ANK2: variants seen among roughly 807,000 people sequenced by gnomAD.
ANK2 encodes ankyrin-2.
Under a neutral mutation model 360.5 loss-of-function variants are expected in ANK2, and 83 were observed. The ratio of observed to expected loss-of-function variants is 0.23; its 90% confidence interval spans 0.19 to 0.28. The LOEUF is 0.28. Ranked by LOEUF, ANK2 falls within the 10% of genes least tolerant of loss-of-function variation. ANK2 has a pLI of 1.00. For synonymous variants in ANK2, 1,740 were observed against 1,759.5 expected, an observed-to-expected ratio of 0.99 and a Z score of 0.28; for missense variants, 4,201 against 4,795.7, an observed-to-expected ratio of 0.88 and a Z score of 3.66.
chr4:112,712,634 T>C, the ANK2 span, among the ~76,000 whole-genome samples: 39 of 151,524 alleles, frequency 2.6e-4, no homozygotes, highest in South Asian at 8.3e-4. Flanking sequence ...GTCTCGATCT[T>C]CTGACCTCAT....
At chr4:113,012,354 G>T (rs2055039870) in intron 2 of ANK2, among the ~76,000 whole-genome samples, 1 of 152,102 alleles carries the variant, frequency 6.6e-6, no homozygotes, top group South Asian at 2.1e-4. Flanking sequence ...ATTAAAATCT[G>T]CCTGGGAATA....
At chr4:112,871,947 C>T (rs1427083959) in intron 1 of ANK2, among the ~76,000 whole-genome samples, 1 of 151,766 alleles carries the variant, frequency 6.6e-6, no homozygotes, top group Non-Finnish European at 1.5e-5. Flanking sequence ...ATAGACTCCA[C>T]TCGGTTGTGA....
Position 112,842,624 on chromosome 4 carries a change from C to T in ANK2, c.-40+24360C>T, listed in dbSNP as rs189094418. 1.2e-4 allele frequency among the ~76,000 whole-genome samples: 19 copies of T among 152,258 alleles called. No homozygotes were observed. The East Asian group carries it at 3.1e-3, about 25-fold the overall frequency. On this transcript the variant is annotated intron_variant, in intron 1 of 30. Transcript: ENST00000503271. ...TGCATGTGCAGTTCACAATAGGGTT[C>T]GTGCTCCTATGAGAATCTAATGCCA...
At chr4:113,188,096 A>C (rs965753359) in intron 2 of ANK2, among the ~76,000 whole-genome samples, 1 of 152,124 alleles carries the variant, frequency 6.6e-6, no homozygotes, top group African/African-American at 2.4e-5. Flanking sequence ...TGTTGTGCAC[A>C]CTCATTTAGG....
chr4:112,769,947 C>T, the ANK2 span, among the ~76,000 whole-genome samples: 1 of 152,202 alleles, frequency 6.6e-6, no homozygotes, highest in East Asian at 1.9e-4. Flanking sequence ...ATACCACTGG[C>T]TTTCCTGGCT....
At chr4:112,968,902 T>C (rs1200214107) in intron 2 of ANK2, among the ~76,000 whole-genome samples, 2 of 152,168 alleles carry the variant, frequency 1.3e-5, no homozygotes, top group Admixed American at 6.5e-5. Context: ...AGAAACAAGG[T>C]CTTTTTGTGT....
chr4:112,852,802 A>G (rs1007176875), intron 1 of ANK2, among the ~76,000 whole-genome samples: 17 of 152,366 alleles, frequency 1.1e-4, no homozygotes, highest in Admixed American at 8.5e-4. Flanking sequence ...TGTTCTCAAG[A>G]TAACACATGG....
intron 26 of ANK2, chr4:113,323,722 G>A (rs761065444): frequency 2.8e-5 from 44 of 1,586,120 alleles, no homozygotes; most frequent in East Asian, 9.0e-5. Flanking sequence ...CACTTTATCC[G>A]TTCCTTCTCT....
At chr4:113,231,474 A>C (rs1285016927) in intron 4 of ANK2, among the ~76,000 whole-genome samples, 1 of 152,200 alleles carries the variant, frequency 6.6e-6, no homozygotes, top group East Asian at 1.9e-4. Flanking sequence ...TGGTCTGTTT[A>C]AATAGTTTAT....
intron 1 of ANK2, among the ~76,000 whole-genome samples, chr4:113,143,198 A>G (rs2096704201): frequency 1.6e-5 from 1 of 62,568 alleles, no homozygotes; most frequent in African/African-American, 6.8e-5. Context: ...GATAGTAGTC[A>G]CAACCTTATT....
At chr4:112,832,565 G>A (rs1182912870) in intron 1 of ANK2, among the ~76,000 whole-genome samples, 4 of 152,178 alleles carry the variant, frequency 2.6e-5, no homozygotes, top group African/African-American at 9.7e-5. Flanking sequence ...AAATTGTAAA[G>A]TTATTTGTAG....
In ANK2 at chr4:113,356,542, A is replaced by G. The variant is rs1314624680; in HGVS notation, c.7924A>G (p.Ser2642Gly). The G allele has an allele frequency of 6.2e-7, 1 of 1,614,152 alleles. No individual in the cohort carries two copies. Residue 2642 changes from serine (S) to glycine (G), a missense_variant, in exon 38 of 46, where the codon AGT becomes GGT. Transcript: ENST00000357077. ...VDVDEPKHTG[S>G]GEDESGVPVL... ...TGTGGATGAACCAAAACATACAGGC[A>G]GTGGGGAGGATGAAAGTGGTGTCCC...
intron 2 of ANK2, among the ~76,000 whole-genome samples, chr4:112,973,806 A>G (rs1176018843): frequency 1.3e-5 from 2 of 152,124 alleles, no homozygotes; most frequent in Non-Finnish European, 2.9e-5. Context: ...AACCTGAAAC[A>G]TTTCATGTGG....
chr4:112,964,665 G>A (rs1418396322), intron 2 of ANK2, among the ~76,000 whole-genome samples: 1 of 151,470 alleles, frequency 6.6e-6, no homozygotes, highest in African/African-American at 2.4e-5. Flanking sequence ...CACCTTCCAG[G>A]TTCACGCCAT....
intron 2 of ANK2, among the ~76,000 whole-genome samples, chr4:113,030,151 A>C (rs1413938483): frequency 6.6e-6 from 1 of 152,100 alleles, no homozygotes; most frequent in Admixed American, 6.6e-5. Context: ...TGTGTGTTTC[A>C]TCTGTAGAAC....
chr4:113,373,468 C>G lies in ANK2; in HGVS notation c.11859+19C>G, dbSNP rs762616183. ...GTCAGAGGTGAGACAACCTGATTCT[C>G]TAAAACCCATTTGATGGAGAGGAAC... is the stretch of plus-strand genomic sequence containing the variant. On this transcript the variant is annotated intron_variant, in intron 45 of 45. Coordinates refer to ENST00000357077, the MANE Select transcript of ANK2 (RefSeq NM_001148.6). 1.7e-5 allele frequency: 27 copies of G among 1,613,430 alleles called. No homozygotes were observed. The highest frequency in any genetic ancestry group is 1.7e-5 in the Admixed American group (1 of 60,004).
rs759313576 is a variant in ANK2, at chr4:113,237,642, C to A, written c.693+20C>A. 4.4e-5 allele frequency: 70 copies of A among 1,585,560 alleles called. No homozygotes were observed. The highest frequency in any genetic ancestry group is 5.7e-5 in the Non-Finnish European group (66 of 1,154,354). On this transcript the variant is annotated intron_variant, in intron 7 of 45. Transcript: ENST00000357077. ...ACTGAGGTACAGTATTGTGGTTATACCAAAATTTACCTTGTCTTTATTTTT... is the reference window on the plus strand; with the variant it reads ...ACTGAGGTACAGTATTGTGGTTATAACAAAATTTACCTTGTCTTTATTTTT...
intron 1 of ANK2, among the ~76,000 whole-genome samples, chr4:113,067,384 T>A (rs541657772): frequency 5.1e-4 from 78 of 152,202 alleles, no homozygotes; most frequent in African/African-American, 1.9e-3. Context: ...ATTTGGTGGC[T>A]GGTGGTACTA....
At chr4:112,807,593 C>T in the ANK2 span, among the ~76,000 whole-genome samples, 1 of 152,158 alleles carries the variant, frequency 6.6e-6, no homozygotes, top group Non-Finnish European at 1.5e-5. Context: ...AACATTTAGA[C>T]TGAATTTTAA....
Sources: allele counts gnomAD v4.1 joint callset (sites outside exome capture counted in the v4.1 genomes callset), GRCh38; gene constraint gnomAD v4.1.1; transcripts MANE v1.5; gene names NCBI Gene and HGNC (gene_info 2026-07-23, HGNC 2026-07-21).